The following XIRP2 variants were observed in gnomAD, a reference collection of about 807,000 sequenced individuals.
XIRP2 encodes xin actin binding repeat containing 2.
Under a neutral mutation model 277.0 loss-of-function variants are expected in XIRP2, and 236 were observed. The observed-to-expected ratio is 0.85, with a 90% CI of 0.77 to 0.95. XIRP2 has a LOEUF of 0.95. XIRP2 is among the 40% of genes least tolerant of loss of function. The pLI, the probability that XIRP2 is intolerant of heterozygous loss-of-function variation, is 0.00. For missense variants in XIRP2, 4,640 were observed against 4,157.5 expected, an observed-to-expected ratio of 1.12 and a Z score of -3.19; for synonymous variants, 1,490 against 1,416.5, an observed-to-expected ratio of 1.05 and a Z score of -1.17.
intron 2 of XIRP2, among the ~76,000 whole-genome samples, chr2:167,011,098 C>T (rs1687665498): frequency 6.6e-6 from 1 of 150,456 alleles, no homozygotes; most frequent in Non-Finnish European, 1.5e-5. Flanking sequence ...GCCAGAACTT[C>T]CAACACTATG....
chr2:166,909,983 GC>G (rs1176953565), intron 2 of XIRP2, among the ~76,000 whole-genome samples: 1 of 152,168 alleles, frequency 6.6e-6, no homozygotes, highest in Non-Finnish European at 1.5e-5. Context: ...TGGTGGATAA[GC>G]TTTTTGATGT....
intron 2 of XIRP2, among the ~76,000 whole-genome samples, chr2:166,907,527 T>A (rs550994354): frequency 6.6e-6 from 1 of 152,036 alleles, no homozygotes; most frequent in Non-Finnish European, 1.5e-5. Context: ...CTGGCTATTC[T>A]AGGATGACAA....
At chr2:167,160,232 G>A (rs1692325200) in intron 3 of XIRP2, among the ~76,000 whole-genome samples, 1 of 152,022 alleles carries the variant, frequency 6.6e-6, no homozygotes, top group Admixed American at 6.6e-5. Flanking sequence ...ATTTTCTACT[G>A]GAAAATAGAG....
At position 167,244,359 on chromosome 2, in the gene XIRP2, T is replaced by C. The variant is rs147079773; in HGVS notation, c.2967T>C (p.Tyr989=). The part of the protein sequence containing the change: ...NKSLFETTPL[Y]AIQDPLGKYH... Reference sequence around the variant, plus strand: ...CTCTCTTCGAGACAACACCACTGTATGCCATTCAAGATCCCCTTGGAAAAT... The same window carrying C: ...CTCTCTTCGAGACAACACCACTGTACGCCATTCAAGATCCCCTTGGAAAAT... The change falls in exon 9 of 11, where the codon TAT becomes TAC. Residue 989 remains tyrosine (Y), a synonymous_variant. Coordinates refer to ENST00000409195, the MANE Select transcript of XIRP2 (RefSeq NM_152381.6). The C allele has an allele frequency of 3.3e-5, 54 of 1,613,658 alleles. No homozygotes were observed. In the African/African-American group the frequency reaches 7.1e-4, roughly 21 times the overall value.
At chr2:167,201,495 A>G (rs1252268017) in intron 3 of XIRP2, among the ~76,000 whole-genome samples, 2 of 152,166 alleles carry the variant, frequency 1.3e-5, no homozygotes, top group African/African-American at 4.8e-5. Context: ...TCACTTGAAA[A>G]TGAGACCAGT....
At position 167,170,651 on chromosome 2, in the gene XIRP2, G is replaced by A. The variant is rs970265791; in HGVS notation, c.562+34589G>A. On this transcript the variant is annotated intron_variant, in intron 3 of 10. Coordinates refer to ENST00000409195, the MANE Select transcript of XIRP2 (RefSeq NM_152381.6). Reference sequence around the variant, plus strand: ...TAAAATCTGCAATATCTGTAGTGACGTTCAATATTTCAGTCCTACTACTGA... The same window carrying A: ...TAAAATCTGCAATATCTGTAGTGACATTCAATATTTCAGTCCTACTACTGA... 1.4e-4 allele frequency among the ~76,000 whole-genome samples: 22 copies of A among 152,054 alleles called. No individual in the cohort carries two copies. The East Asian group carries it at 1.9e-3, about 13-fold the overall frequency.
chr2:166,946,694 G>T (rs1186067251), intron 2 of XIRP2, among the ~76,000 whole-genome samples: 2 of 152,114 alleles, frequency 1.3e-5, no homozygotes, highest in South Asian at 4.1e-4. Context: ...GGTAAAAATT[G>T]TGATTCTCAT....
chr2:167,183,203 G>A (rs1322143880), intron 3 of XIRP2, among the ~76,000 whole-genome samples: 1 of 152,150 alleles, frequency 6.6e-6, no homozygotes, highest in East Asian at 1.9e-4. Context: ...TTGTAGACTA[G>A]GATAAGACAT....
chr2:166,901,982 G>C lies in XIRP2; in HGVS notation c.-18-1483G>C, dbSNP rs577185208. On this transcript the variant is annotated intron_variant, in intron 1 of 10. Transcript: ENST00000409195. ...TTTAGCCAGAGATAGAGCTGGGAGT[G>C]GATTTAACAGTTATTGGGGTGTTGA... 3.9e-5 allele frequency among the ~76,000 whole-genome samples: 6 copies of C among 152,052 alleles called. No homozygotes were observed. The South Asian group carries it at 1.2e-3, about 32-fold the overall frequency.
In XIRP2 at chr2:167,153,480, C is replaced by T. The variant is rs531114530; in HGVS notation, c.562+17418C>T. Among the ~76,000 whole-genome samples, 3 of 151,930 alleles carry T rather than the reference C, an allele frequency of 2.0e-5. No homozygotes were observed. In the South Asian group the frequency reaches 6.2e-4, roughly 32 times the overall value. Reference sequence around the variant, plus strand: ...TGTGCAGGTTAGTTACATATGTATACATGTGCCGTGCTGCTGTGCTGCATC... The same window carrying T: ...TGTGCAGGTTAGTTACATATGTATATATGTGCCGTGCTGCTGTGCTGCATC... On this transcript the variant is annotated intron_variant, in intron 3 of 10. Transcript: ENST00000409195.
chr2:166,954,038 A>G (rs765657766), intron 2 of XIRP2, among the ~76,000 whole-genome samples: 3 of 151,986 alleles, frequency 2.0e-5, no homozygotes, highest in Non-Finnish European at 4.4e-5. Context: ...GTAATAAAGT[A>G]TTAAACCCAT....
At chr2:167,013,256 C>T (rs991220793) in intron 2 of XIRP2, among the ~76,000 whole-genome samples, 8 of 151,152 alleles carry the variant, frequency 5.3e-5, no homozygotes, top group Admixed American at 3.3e-4. Flanking sequence ...GATGTTCTTC[C>T]CCATGCTGTT....
intron 5 of XIRP2, among the ~76,000 whole-genome samples, chr2:167,237,421 C>T (rs1000597405): frequency 2.0e-5 from 3 of 151,874 alleles, no homozygotes; most frequent in African/African-American, 7.3e-5. Flanking sequence ...GGGTACCAGA[C>T]AAGTTTTGTT....
chr2:167,258,414 T>C lies in XIRP2; in HGVS notation c.*597T>C, dbSNP rs749269684. The stretch of plus-strand genomic sequence containing the variant: ...GTTATAGGAATCAAAGAAATGAAAA[T>C]GCCTGAAGGAAGAAAAGATGAAAAG... On this transcript the variant is annotated 3_prime_UTR_variant, in exon 11 of 11. Transcript: ENST00000409195. 8 of 1,612,754 alleles carry C rather than the reference T, an allele frequency of 5.0e-6. No individual in the cohort carries two copies. The highest frequency in any genetic ancestry group is 6.8e-6 in the Non-Finnish European group (8 of 1,179,530).
chr2:167,023,632 A>G (rs1040396241), intron 2 of XIRP2, among the ~76,000 whole-genome samples: 7 of 152,126 alleles, frequency 4.6e-5, no homozygotes, highest in Admixed American at 3.3e-4. Flanking sequence ...TAATTTTTGT[A>G]TAAGGTGTAA....
At chr2:167,106,240 CTT>C (rs969425374) in intron 2 of XIRP2, among the ~76,000 whole-genome samples, 2 of 151,626 alleles carry the variant, frequency 1.3e-5, no homozygotes, top group African/African-American at 4.8e-5. Flanking sequence ...GCTAAGAACT[CTT>C]CTCCTCACCC....
intron 2 of XIRP2, among the ~76,000 whole-genome samples, chr2:167,105,435 C>A (rs1690592741): frequency 6.6e-6 from 1 of 151,848 alleles, no homozygotes; most frequent in South Asian, 2.1e-4. Context: ...AATTGGCTTT[C>A]TTCATTCAGC....
chr2:167,048,427 A>G (rs576933908), intron 2 of XIRP2, among the ~76,000 whole-genome samples: 3 of 151,944 alleles, frequency 2.0e-5, no homozygotes, highest in African/African-American at 7.2e-5. Context: ...TTAAATTTCA[A>G]TCTGATGATT....
intron 2 of XIRP2, among the ~76,000 whole-genome samples, chr2:166,975,975 C>T (rs188057511): frequency 9.1e-4 from 121 of 133,462 alleles, no homozygotes; most frequent in African/African-American, 3.0e-3. Flanking sequence ...TAATTGTACA[C>T]TAATACCCAT....
Sources: gnomAD v4.1 joint callset for allele counts (sites outside exome capture counted in the v4.1 genomes callset) on GRCh38, gnomAD v4.1.1 for gene constraint, MANE v1.5 for transcripts, NCBI Gene and HGNC (gene_info 2026-07-23, HGNC 2026-07-21) for gene names.